The following PHYKPL variants were observed in gnomAD, a reference collection of about 807,000 sequenced individuals.
The protein encoded by PHYKPL is 5-phosphohydroxy-L-lysine phospho-lyase.
PHYKPL carries 42 observed loss-of-function variants against 51.3 expected under a neutral mutation model. The ratio of observed to expected loss-of-function variants is 0.82; its 90% CI spans 0.64 to 1.06. The LOEUF is 1.06. PHYKPL is among the 50% of genes least tolerant of loss of function. PHYKPL has a pLI of 0.00. For synonymous variants in PHYKPL, 264 were observed against 236.0 expected, an observed-to-expected ratio of 1.12 and a Z score of -1.09; for missense variants, 655 against 586.6, an observed-to-expected ratio of 1.12 and a Z score of -1.20.
intron 12 of PHYKPL, chr5:178,210,491 A>G: frequency 6.5e-7 from 1 of 1,543,148 alleles, no homozygotes; most frequent in Non-Finnish European, 9.0e-7. Flanking sequence ...GATGCATATC[A>G]AGCGCGTGGC....
rs758950115 is a variant in PHYKPL at position 178,228,529 on chromosome 5, A to C, written c.338+1411T>G. The C allele has an allele frequency of 4.7e-5, 33 of 702,314 alleles. No individual in the cohort carries two copies. The African/African-American group carries it at 5.6e-4, about 12-fold the overall frequency. 43.5% of individuals were successfully genotyped at this position (702,314 alleles called of 1,614,324 possible). ...GCTCCCTTCTCTTTCCAGAGGCTCC[A>C]GCTCTTGACATGGCAAATGTCTGGG... On this transcript the variant is annotated intron_variant, in intron 3 of 12. Transcript: ENST00000308158.
Position 178,231,982 on chromosome 5 carries a change from G to C in PHYKPL, c.60-459C>G. On this transcript the variant is annotated intron_variant, in intron 1 of 12. Transcript: ENST00000308158. ...CGCTGGGTGCCAGCCCTAAGCTCCA[G>C]TGGGAGGCGACCTCACCCACCGTCC... 3 of 1,214,188 alleles carry C rather than the reference G, an allele frequency of 2.5e-6. No homozygotes were observed. In the South Asian group the frequency reaches 4.4e-5, roughly 18 times the overall value. 75.2% of individuals were successfully genotyped at this position (1,214,188 alleles called of 1,614,324 possible).
At chr5:178,219,942 C>A (rs2113843439) in intron 8 of PHYKPL, among the ~76,000 whole-genome samples, 1 of 151,714 alleles carries the variant, frequency 6.6e-6, no homozygotes, top group Admixed American at 6.6e-5. Flanking sequence ...CCTTGTAATC[C>A]CAGCATTTTG....
chr5:178,229,176 G>A (rs1035290707), intron 3 of PHYKPL, among the ~76,000 whole-genome samples: 8 of 146,200 alleles, frequency 5.5e-5, no homozygotes, highest in Non-Finnish European at 8.9e-5. Flanking sequence ...GTGCAATTTT[G>A]GCTCACTGCA....
chr5:178,207,232 T>G, downstream of PHYKPL: 4 of 1,613,732 alleles, frequency 2.5e-6, no homozygotes, highest in Non-Finnish European at 3.4e-6. Flanking sequence ...CAAGGTAAGG[T>G]GTTCCCAGCT....
chr5:178,232,014 G>C (rs1319069548), intron 1 of PHYKPL: 1 of 1,202,740 alleles, frequency 8.3e-7, no homozygotes, highest in Non-Finnish European at 1.1e-6. Flanking sequence ...GTCCCACCGA[G>C]GGCCCCCTCA....
chr5:178,230,264 G>T, intron 2 of PHYKPL, 165 bp from the exon 3 acceptor site: 1 of 787,586 alleles, frequency 1.3e-6, no homozygotes, highest in Non-Finnish European at 2.0e-6. Flanking sequence ...AGCTGGTTCT[G>T]GAAAGGCAGA....
chr5:178,215,474 G>A (rs1429726275), intron 8 of PHYKPL, 44 bp from the exon 9 acceptor site: 1 of 1,576,814 alleles, frequency 6.3e-7, no homozygotes, highest in Non-Finnish European at 8.6e-7. Flanking sequence ...TGGCAGAGTG[G>A]GCCATGCCCC....
In PHYKPL at chr5:178,214,793, T is replaced by C. The variant is rs377312441; in HGVS notation, c.1172+3A>G. The C allele has an allele frequency of 5.6e-6, 9 of 1,613,682 alleles. No individual in the cohort carries two copies. In the African/African-American group the frequency reaches 8.0e-5, roughly 14 times the overall value. The stretch of plus-strand genomic sequence containing the variant: ...GAAGCAACTTGTTTCAAGAAGAAAA[T>C]ACCTTGATACCAAGTAGGCAGCCTC... On this transcript the variant is annotated splice_donor_region_variant and intron_variant, in intron 10 of 12. Transcript: ENST00000308158.
chr5:178,225,014 T>C lies in PHYKPL; in HGVS notation c.414-285A>G, dbSNP rs1762007759. On this transcript the variant is annotated intron_variant, in intron 4 of 12. Coordinates refer to ENST00000308158, the MANE Select transcript of PHYKPL (RefSeq NM_153373.4). ...TCCTCCTTCTGGTTTATAATGAATC[T>C]TAAATGTGTTGATATTGTCAGCCTC... 1.2e-5 allele frequency: 7 copies of C among 566,166 alleles called. No homozygotes were observed. In the South Asian group the frequency reaches 1.6e-4, roughly 13 times the overall value. 35.1% of individuals were successfully genotyped at this position (566,166 alleles called of 1,614,324 possible).
Position 178,213,044 on chromosome 5 carries a change from A to C in PHYKPL, c.1232T>G (p.Phe411Cys). 6.2e-7 allele frequency: 1 copy of C among 1,614,196 alleles called. No individual in the cohort carries two copies. The highest frequency in any genetic ancestry group is 1.1e-5 in the South Asian group (1 of 91,078). Residue 411 changes from phenylalanine (F) to cysteine (C), a missense_variant, in exon 11 of 13, where the codon TTT (phenylalanine) becomes TGT (cysteine). Coordinates refer to ENST00000308158, the MANE Select transcript of PHYKPL (RefSeq NM_153373.4). ...CAGGCTGAAGCACATTGGGGGCTTA[A>C]ACTTCAGGATGTTCCTCCCAGGGCC... ...TDGPGRNILKFKPPMCFSLDN... is the reference protein window; with the variant it reads ...TDGPGRNILKCKPPMCFSLDN...
At chr5:178,210,882 G>C in intron 12 of PHYKPL, 1 of 529,324 alleles carries the variant, frequency 1.9e-6, no homozygotes, top group Non-Finnish European at 3.4e-6. Flanking sequence ...AAGCAGGTGG[G>C]AGGCTCTGCT....
At chr5:178,208,226 G>T (rs1160809582), downstream of PHYKPL, among the ~76,000 whole-genome samples, 1 of 152,212 alleles carries the variant, frequency 6.6e-6, no homozygotes, top group Non-Finnish European at 1.5e-5. Flanking sequence ...TTCTGAGCAG[G>T]AGTTGGCAGC....
At chr5:178,210,855 A>C in intron 12 of PHYKPL, 1 of 559,984 alleles carries the variant, frequency 1.8e-6, no homozygotes, top group Non-Finnish European at 3.2e-6. Context: ...GCTGATTTTT[A>C]TTACCAGGTC....
rs376290336 is a variant in PHYKPL, at chr5:178,228,488, CACT to C, written c.338+1449_338+1451del. The stretch of plus-strand genomic sequence containing the variant: ...CATAAGAATGCCCCTCCTCCACCAC[CACT>C]GAGGAAGCACCAGCTCCCTTCTCTT... On this transcript the variant is annotated intron_variant, in intron 3 of 12. Coordinates refer to ENST00000308158, the MANE Select transcript of PHYKPL (RefSeq NM_153373.4). The C allele has an allele frequency of 5.1e-4, 360 of 701,156 alleles. 2 individuals are homozygous for C. In the African/African-American group the frequency reaches 5.9e-3, roughly 11 times the overall value. The allele number at this position is 701,156 out of a possible 1,614,324, so 43.4% of individuals were successfully genotyped here.
intron 1 of PHYKPL, chr5:178,231,798 G>T (rs1393778475): frequency 1.4e-6 from 2 of 1,413,090 alleles, no homozygotes; most frequent in Admixed American, 2.1e-5. Flanking sequence ...GCATGTGTCC[G>T]CGTCAGTCTC....
intron 12 of PHYKPL, 45 bp downstream of exon 12, chr5:178,211,845 G>GA: frequency 6.9e-7 from 1 of 1,439,320 alleles, no homozygotes; most frequent in Non-Finnish European, 9.7e-7. Flanking sequence ...TGATGGTAAG[G>GA]AACCCGCTGT....
Position 178,224,539 on chromosome 5 carries a change from C to T in PHYKPL, c.527G>A (p.Gly176Asp), listed in dbSNP as rs1487680042. 1 of 1,614,076 alleles carries T rather than the reference C, an allele frequency of 6.2e-7. No individual in the cohort carries two copies. The highest frequency in any genetic ancestry group is 8.5e-7 in the Non-Finnish European group (1 of 1,179,928). ...GTTGGGGTGGTCCTCCCGGTAGGGG[C>T]CCCGGTAGGTGTCTGGGAGAGGTGC... ...HVAPLPDTYR[G>D]PYREDHPNPA... is the part of the protein sequence containing the mutation. The change falls in exon 6 of 13, where the codon GGC (glycine) becomes GAC (aspartate). Residue 176 changes from glycine to aspartate, a missense_variant. Gly to Asp is a moderately conservative substitution (Grantham distance 94, BLOSUM62 -1). Coordinates refer to ENST00000308158, the MANE Select transcript of PHYKPL (RefSeq NM_153373.4).
Position 178,222,446 on chromosome 5 carries a change from G to A in PHYKPL, c.836C>T (p.Ser279Phe). The stretch of plus-strand genomic sequence containing the variant: ...GGCAACAGGGTGGCCGTTGCCAATG[G>A]ACTTGCCCATGGTGACGATGTCAGG... The part of the protein sequence containing the change: ...FVPDIVTMGK[S>F]IGNGHPVACV... The change falls in exon 8 of 13, where the codon TCC becomes TTC. Residue 279 changes from serine (S) to phenylalanine (F), a missense_variant. Physicochemically the swap from Ser to Phe is radical, Grantham distance 155 (BLOSUM62 -2). Transcript: ENST00000308158. 6.2e-7 allele frequency: 1 copy of A among 1,614,268 alleles called. No homozygotes were observed. The highest frequency in any genetic ancestry group is 8.5e-7 in the Non-Finnish European group (1 of 1,180,050).
Sources: allele counts gnomAD v4.1 joint callset (sites outside exome capture counted in the v4.1 genomes callset), GRCh38; gene constraint gnomAD v4.1.1; transcripts MANE v1.5; gene names NCBI Gene and HGNC (gene_info 2026-07-23, HGNC 2026-07-21).